ABCC6: variants seen among roughly 807,000 people sequenced by gnomAD.
ABCC6 encodes the protein ATP-binding cassette sub-family C member 6.
Under a neutral mutation model 169.5 loss-of-function variants are expected in ABCC6, and 126 were observed. The ratio of observed to expected loss-of-function variants is 0.74; its 90% CI spans 0.64 to 0.86. The LOEUF (loss-of-function observed/expected upper bound fraction) is 0.86. Among genes scored for constraint, ABCC6 ranks in the 40% least tolerant of loss-of-function variants. ABCC6 has a pLI of 0.00. For missense variants in ABCC6, 1,733 were observed against 1,927.2 expected, an observed-to-expected ratio of 0.90 and a Z score of 1.89; for synonymous variants, 752 against 814.7, an observed-to-expected ratio of 0.92 and a Z score of 1.31.
intron 21 of ABCC6, among the ~76,000 whole-genome samples, chr16:16,171,569 G>T (rs550680561): frequency 6.6e-6 from 1 of 152,234 alleles, no homozygotes; most frequent in South Asian, 2.1e-4. Flanking sequence ...TGAGCGGGTG[G>T]GTAGGTAGGT....
intron 7 of ABCC6, among the ~76,000 whole-genome samples, chr16:16,205,153 A>G (rs898179245): frequency 1.4e-4 from 21 of 151,942 alleles, no homozygotes; most frequent in Non-Finnish European, 2.5e-4. Flanking sequence ...AGTAATTTCA[A>G]TCCCCATTAC....
chr16:16,176,032 CA>C, intron 19 of ABCC6, 46 bp from the exon 20 acceptor site: 1 of 1,573,924 alleles, frequency 6.4e-7, no homozygotes, highest in Non-Finnish European at 8.7e-7. Context: ...CCCAGATACC[CA>C]CTTTGACACC....
intron 21 of ABCC6, among the ~76,000 whole-genome samples, chr16:16,170,379 T>G (rs927274975): frequency 2.6e-5 from 4 of 151,928 alleles, no homozygotes; most frequent in Non-Finnish European, 5.9e-5. Flanking sequence ...GGATTACAGG[T>G]GTGAGCCACC....
At chr16:16,189,590 G>A (rs2047773055) in intron 12 of ABCC6, among the ~76,000 whole-genome samples, 1 of 151,956 alleles carries the variant, frequency 6.6e-6, no homozygotes, top group African/African-American at 2.4e-5. Flanking sequence ...GCTAATTTTT[G>A]TATTTTTAGT....
chr16:16,202,371 C>G (rs2048270924), intron 8 of ABCC6, among the ~76,000 whole-genome samples, 193 bp from the exon 9 acceptor site: 1 of 151,886 alleles, frequency 6.6e-6, no homozygotes, highest in South Asian at 2.1e-4. Flanking sequence ...CCTTTTCAAT[C>G]TGACTGCAGC....
chr16:16,211,759 T>A (rs956708390), intron 6 of ABCC6, among the ~76,000 whole-genome samples: 3 of 152,148 alleles, frequency 2.0e-5, no homozygotes, highest in Non-Finnish European at 2.9e-5. Context: ...CTCCTTTATC[T>A]CCTCACCCCT....
At chr16:16,158,031 C>T (rs530115190) in intron 26 of ABCC6, among the ~76,000 whole-genome samples, 1 of 152,272 alleles carries the variant, frequency 6.6e-6, no homozygotes, top group East Asian at 1.9e-4. Flanking sequence ...TTATTATTAG[C>T]CACTGTTTAT....
chr16:16,180,118 G>A (rs561468403), intron 17 of ABCC6, among the ~76,000 whole-genome samples: 2 of 152,236 alleles, frequency 1.3e-5, no homozygotes, highest in African/African-American at 2.4e-5. Context: ...GACAGGAGGT[G>A]GAGCTCAGGC....
intron 23 of ABCC6, among the ~76,000 whole-genome samples, chr16:16,163,744 G>A (rs1024268595): frequency 6.6e-6 from 1 of 152,180 alleles, no homozygotes; most frequent in Admixed American, 6.5e-5. Flanking sequence ...CAGACAGGCA[G>A]GCAGGGAGGA....
intron 29 of ABCC6, 127 bp downstream of exon 29, chr16:16,154,501 A>T: frequency 8.3e-7 from 1 of 1,202,860 alleles, no homozygotes; most frequent in Non-Finnish European, 1.2e-6. Flanking sequence ...GATAAGAGAC[A>T]TGTGGTTATT....
At chr16:16,183,801 A>G (rs1310936207) in intron 15 of ABCC6, among the ~76,000 whole-genome samples, 1 of 152,112 alleles carries the variant, frequency 6.6e-6, no homozygotes, top group African/African-American at 2.4e-5. Context: ...GCCCCCAACA[A>G]AGGAGTTTCA....
rs1198809536 is a variant in ABCC6, at chr16:16,197,960, G to A, written c.1338+61C>T. 4 of 1,524,628 alleles carry A rather than the reference G, an allele frequency of 2.6e-6. No homozygotes were observed. The African/African-American group carries it at 4.2e-5, about 16-fold the overall frequency. The allele number at this position is 1,524,628 out of a possible 1,614,324, so 94.4% of individuals were successfully genotyped here. ...GAGGAAGGGTGGGAGGGGGAAGGAG[G>A]AGGGGGAGAAGGAGGGGGTGGGGGA... On this transcript the variant is annotated intron_variant, in intron 10 of 30. Transcript: ENST00000205557.
At chr16:16,223,009 C>T (rs2049123233) in intron 1 of ABCC6, 1 of 226,000 alleles carries the variant, frequency 4.4e-6, no homozygotes, top group African/African-American at 2.4e-5. Flanking sequence ...CTCCCTGGCC[C>T]TCGAAATGCT....
chr16:16,157,785 C>T lies in ABCC6; in HGVS notation c.3760G>A (p.Ala1254Thr), dbSNP rs375647381. Residue 1254 changes from alanine to threonine, a missense_variant, in exon 27 of 31, where the codon GCA (alanine) becomes ACA (threonine). Ala to Thr is a moderately conservative substitution (Grantham distance 58). Coordinates refer to ENST00000205557, the MANE Select transcript of ABCC6 (RefSeq NM_001171.6). ...KEAPWRLPTCAAQPPWPQGGQ... is the reference protein window; with the variant it reads ...KEAPWRLPTCTAQPPWPQGGQ... ...CCCTGAGGCCAGGGGGGCTGAGCTG[C>T]ACATGTGGGCAGCCTCCAGGGAGCC... 8 of 1,612,708 alleles carry T rather than the reference C, an allele frequency of 5.0e-6. No individual in the cohort carries two copies. The African/African-American group carries it at 1.1e-4, about 22-fold the overall frequency.
chr16:16,204,898 C>G (rs2048347836), intron 7 of ABCC6, among the ~76,000 whole-genome samples: 1 of 149,646 alleles, frequency 6.7e-6, no homozygotes, highest in African/African-American at 2.5e-5. Context: ...TGCAGTGTAG[C>G]AATCTCGGCT....
chr16:16,165,852 C>T lies in ABCC6; in HGVS notation c.3077G>A (p.Trp1026Ter), dbSNP rs1254748860. ...GCTGATGGGAGATCGCACCACATCC[C>T]ACAGGAGCCTCTGGAAGAGCAACCT... ...ASRLLFQRLLWDVVRSPISFF... is the reference protein window; with the variant it reads ...ASRLLFQRLL Residue 1026 changes from tryptophan (W) to a stop codon, truncating the protein, a stop_gained, in exon 23 of 31, where the codon TGG becomes TAG. Coordinates refer to ENST00000205557, the MANE Select transcript of ABCC6 (RefSeq NM_001171.6). LOFTEE classifies it high-confidence loss of function. 3 of 1,613,202 alleles carry T rather than the reference C, an allele frequency of 1.9e-6. No individual in the cohort carries two copies. The highest frequency in any genetic ancestry group is 2.7e-5 in the African/African-American group (2 of 74,936).
chr16:16,171,963 GGTGGGTGGGATGGATAAATAA>G (rs1177494527), intron 21 of ABCC6, among the ~76,000 whole-genome samples: 1 of 127,868 alleles, frequency 7.8e-6, no homozygotes, highest in Admixed American at 8.3e-5. Context: ...TGAGTGGTTG[GGTGGGTGGGATGGATAAATAA>G]GTGGATGGGA....
At chr16:16,214,772 C>CT (rs1398884188) in intron 4 of ABCC6, among the ~76,000 whole-genome samples, 1 of 151,964 alleles carries the variant, frequency 6.6e-6, no homozygotes, top group South Asian at 2.1e-4. Flanking sequence ...GCCTGGCTAA[C>CT]TTTTTTAAAA....
rs1467834782 is a variant in ABCC6 at position 16,150,520 on chromosome 16, C to T, written c.4403+58G>A. 30 of 1,578,726 alleles carry T rather than the reference C, an allele frequency of 1.9e-5. No homozygotes were observed. In the Admixed American group the frequency reaches 2.4e-4, roughly 13 times the overall value. ...GCCCAGTGGCCCAGGACTGCCTCCG[C>T]CTCCTTCCCCCACCACTGCAGGGCT... On this transcript the variant is annotated intron_variant, in intron 30 of 30. Coordinates refer to ENST00000205557, the MANE Select transcript of ABCC6 (RefSeq NM_001171.6).
Sources: gnomAD v4.1 joint callset for allele counts (sites outside exome capture counted in the v4.1 genomes callset) on GRCh38, gnomAD v4.1.1 for gene constraint, MANE v1.5 for transcripts, NCBI Gene and HGNC (gene_info 2026-07-23, HGNC 2026-07-21) for gene names.